The following PRKG1 variants were observed in gnomAD, a reference collection of about 807,000 sequenced individuals.
PRKG1 encodes the protein cGMP-dependent protein kinase 1.
PRKG1 carries 35 observed loss-of-function variants against 88.1 expected under a neutral mutation model. The ratio of observed to expected loss-of-function variants is 0.40; its 90% CI spans 0.30 to 0.53. PRKG1 has a LOEUF of 0.53. Ranked by LOEUF, PRKG1 falls within the 20% of genes least tolerant of loss-of-function variation. The pLI, the probability that PRKG1 is intolerant of heterozygous loss-of-function variation, is 0.59. For synonymous variants in PRKG1, 303 were observed against 292.5 expected, an observed-to-expected ratio of 1.04 and a Z score of -0.37; for missense variants, 540 against 839.8, an observed-to-expected ratio of 0.64 and a Z score of 4.41.
intron 3 of PRKG1, among the ~76,000 whole-genome samples, chr10:51,535,532 A>C (rs1263257554): frequency 4.6e-5 from 7 of 152,214 alleles, no homozygotes; most frequent in Non-Finnish European, 1.0e-4. Context: ...CAGCTGAATA[A>C]ATCAATTTTT....
At chr10:51,289,797 ACAACC>A (rs1840535761) in intron 2 of PRKG1, among the ~76,000 whole-genome samples, 1 of 152,200 alleles carries the variant, frequency 6.6e-6, no homozygotes, top group East Asian at 1.9e-4. Context: ...ATTCACACAG[ACAACC>A]CAACATTGTT....
intron 5 of PRKG1, among the ~76,000 whole-genome samples, chr10:52,011,868 C>T (rs1048906803): frequency 2.0e-5 from 3 of 152,144 alleles, no homozygotes; most frequent in Admixed American, 6.6e-5. Context: ...GTGAATGGAT[C>T]TCATGATATC....
intron 3 of PRKG1, among the ~76,000 whole-genome samples, chr10:51,670,484 C>T (rs2132346870): frequency 6.6e-6 from 1 of 151,068 alleles, no homozygotes; most frequent in South Asian, 2.1e-4. Context: ...CGCCTGTAAT[C>T]CCAGCACTTT....
In PRKG1 at chr10:51,866,434, G is replaced by A. The variant is rs971008648; in HGVS notation, c.699-41073G>A. Among the ~76,000 whole-genome samples, 70 of 152,090 alleles carry A rather than the reference G, an allele frequency of 4.6e-4. 1 individual carries two copies. Among genetic ancestry groups the A allele is most frequent in the African/African-American group, 1.5e-3 (64 of 41,520 alleles). Reference sequence around the variant, plus strand: ...ATTGCCAAACATAATTATTTTGAAGGCCAGCATAATTATAACATCAGATAG... The same window carrying A: ...ATTGCCAAACATAATTATTTTGAAGACCAGCATAATTATAACATCAGATAG... On this transcript the variant is annotated intron_variant, in intron 4 of 17. Transcript: ENST00000373980.
chr10:51,617,580 T>C (rs1839093422), intron 3 of PRKG1, among the ~76,000 whole-genome samples: 1 of 152,210 alleles, frequency 6.6e-6, no homozygotes, highest in Admixed American at 6.5e-5. Flanking sequence ...ACAAATACAT[T>C]GTTTTACAAT....
intron 7 of PRKG1, among the ~76,000 whole-genome samples, chr10:52,099,082 C>T (rs1227876204): frequency 6.6e-6 from 1 of 152,168 alleles, no homozygotes; most frequent in Non-Finnish European, 1.5e-5. Flanking sequence ...AAGAAAAGAG[C>T]AGGATCATAA....
intron 3 of PRKG1, among the ~76,000 whole-genome samples, chr10:51,553,878 GATACGT>G (rs1471241054): frequency 2.6e-5 from 3 of 114,388 alleles, no homozygotes; most frequent in African/African-American, 1.0e-4. Context: ...GTATGTATTA[GATACGT>G]GTATATAATA....
intron 2 of PRKG1, among the ~76,000 whole-genome samples, chr10:51,214,675 A>G (rs1381498608): frequency 6.6e-6 from 1 of 151,810 alleles, no homozygotes; most frequent in South Asian, 2.1e-4. Context: ...ACGGTGTCTC[A>G]TTATGTTGCC....
At chr10:51,693,004 ATGCCAGGTG>A (rs1343413871) in intron 3 of PRKG1, among the ~76,000 whole-genome samples, 4 of 152,182 alleles carry the variant, frequency 2.6e-5, no homozygotes, top group Admixed American at 6.5e-5. Flanking sequence ...TTGTTATTAA[ATGCCAGGTG>A]TGGTGGCTCA....
chr10:50,991,679 C>G lies in PRKG1; in HGVS notation c.266+35C>G, dbSNP rs12221331. ...GAGGCCGTGGGCCCGGGCGCTCGTC[C>G]CGGCCCGCGGCGCAGAGGCTGGGGG... On this transcript the variant is annotated intron_variant, in intron 1 of 17. Coordinates refer to the PRKG1 transcript ENST00000401604. The surrounding 1 kb of genome is among the most constrained non-coding windows in gnomAD (Gnocchi z 4.5). 9 of 1,407,852 alleles carry G rather than the reference C, an allele frequency of 6.4e-6. No individual in the cohort carries two copies. The highest frequency in any genetic ancestry group is 7.4e-6 in the Non-Finnish European group (8 of 1,075,282). The allele number at this position is 1,407,852 out of a possible 1,614,324, so 87.2% of individuals were successfully genotyped here. A position where few individuals can be genotyped will look rare whatever the true frequency, so the allele number is the denominator to read the frequency against.
At chr10:51,062,988 C>T (rs1843710314) in intron 1 of PRKG1, 1 of 152,186 alleles carries the variant, frequency 6.6e-6, no homozygotes, top group Admixed American at 6.5e-5. Flanking sequence ...AATTTTAGCT[C>T]ATAGTGGTAT....
chr10:51,482,277 A>G (rs1840385937), intron 3 of PRKG1, among the ~76,000 whole-genome samples: 1 of 152,094 alleles, frequency 6.6e-6, no homozygotes, highest in South Asian at 2.1e-4. Flanking sequence ...TCTGAATTTA[A>G]ATTTCTAAAA....
At chr10:51,112,516 C>G (rs1845001731) in intron 1 of PRKG1, among the ~76,000 whole-genome samples, 1 of 151,972 alleles carries the variant, frequency 6.6e-6, no homozygotes, top group South Asian at 2.1e-4. Flanking sequence ...TCTGGAGTCT[C>G]TTTTTTGCCT....
chr10:51,517,067 G>A (rs956153898), intron 3 of PRKG1, among the ~76,000 whole-genome samples: 5 of 152,126 alleles, frequency 3.3e-5, no homozygotes, highest in African/African-American at 7.2e-5. Context: ...TACAGCTAAA[G>A]CCCTATAAAT....
chr10:52,162,088 A>C lies in PRKG1; in HGVS notation c.1076+125A>C, dbSNP rs7897308. ...GAAACAACTAATTAGTTGAGAGACAAAGAAGCAAACTCTTCAAGATAATTA... is the reference window on the plus strand; with the variant it reads ...GAAACAACTAATTAGTTGAGAGACACAGAAGCAAACTCTTCAAGATAATTA... On this transcript the variant is annotated intron_variant, in intron 9 of 17. Coordinates refer to ENST00000373980, the MANE Select transcript of PRKG1 (RefSeq NM_006258.4). 8.3e-3 allele frequency: 6,529 copies of C among 785,006 alleles called. 310 individuals are homozygous for C. In the African/African-American group the frequency reaches 0.1, roughly 12 times the overall value. 48.6% of individuals were successfully genotyped at this position (785,006 alleles called of 1,614,324 possible). A position where few individuals can be genotyped will look rare whatever the true frequency, so the allele number is the denominator to read the frequency against.
chr10:51,808,022 A>C (rs950883083), intron 4 of PRKG1, among the ~76,000 whole-genome samples: 12 of 152,102 alleles, frequency 7.9e-5, no homozygotes, highest in African/African-American at 2.9e-4. Flanking sequence ...TCCCCAGGTT[A>C]GCTATACTTG....
At chr10:51,617,331 A>G (rs540444010) in intron 3 of PRKG1, among the ~76,000 whole-genome samples, 1 of 151,840 alleles carries the variant, frequency 6.6e-6, no homozygotes, top group Non-Finnish European at 1.5e-5. Flanking sequence ...TCTCTTTTGG[A>G]TGATCTATTT....
At chr10:51,367,394 G>T (rs1400835538) in intron 2 of PRKG1, among the ~76,000 whole-genome samples, 1 of 151,928 alleles carries the variant, frequency 6.6e-6, no homozygotes, top group Non-Finnish European at 1.5e-5. Flanking sequence ...CTTTAAAGAG[G>T]TGTGTCGATA....
intron 5 of PRKG1, among the ~76,000 whole-genome samples, chr10:51,990,925 T>C (rs1183667763): frequency 6.6e-6 from 1 of 152,218 alleles, no homozygotes; most frequent in East Asian, 1.9e-4. Flanking sequence ...TAGTATTCCA[T>C]GGTGTATATG....
Sources: allele counts gnomAD v4.1 joint callset (sites outside exome capture counted in the v4.1 genomes callset), GRCh38; gene constraint gnomAD v4.1.1; non-coding constraint Gnocchi (gnomAD v3.1); transcripts MANE v1.5; gene names NCBI Gene and HGNC (gene_info 2026-07-23, HGNC 2026-07-21).